The following IL1RN variants were observed in gnomAD, a reference collection of about 807,000 sequenced individuals.
IL1RN encodes the protein interleukin-1 receptor antagonist protein.
In IL1RN, 10 loss-of-function variants were observed where a neutral mutation model predicts 13.7. The ratio of observed to expected loss-of-function variants is 0.73; its 90% CI spans 0.45 to 1.24. IL1RN has a LOEUF of 1.24. Ranked by LOEUF, IL1RN falls within the 50% of genes most tolerant of loss-of-function variation. The pLI is 0.00. For missense variants in IL1RN, 213 were observed against 222.1 expected, an observed-to-expected ratio of 0.96 and a Z score of 0.26; for synonymous variants, 102 against 82.7, an observed-to-expected ratio of 1.23 and a Z score of -1.27.
At chr2:113,124,973 C>T (rs1341103013), upstream of IL1RN, among the ~76,000 whole-genome samples, 1 of 152,170 alleles carries the variant, frequency 6.6e-6, no homozygotes, top group African/African-American at 2.4e-5. Flanking sequence ...GTCAGAGAAA[C>T]ATTTACCCAG....
upstream of IL1RN, among the ~76,000 whole-genome samples, chr2:113,110,863 T>A (rs985581688): frequency 6.6e-6 from 1 of 152,220 alleles, no homozygotes; most frequent in Admixed American, 6.5e-5. Context: ...TTCCATTGTG[T>A]CATCAGAGCC....
At chr2:113,129,717 G>A (rs495282) in intron 2 of IL1RN, 53 bp downstream of exon 2, 15 of 1,154,454 alleles carry the variant, frequency 1.3e-5, no homozygotes, top group East Asian at 2.3e-5. Context: ...CACTTTGCCC[G>A]TCTGTCTGCA....
At chr2:113,105,470 T>C (rs1686373827), upstream of IL1RN, among the ~76,000 whole-genome samples, 1 of 152,220 alleles carries the variant, frequency 6.6e-6, no homozygotes, top group African/African-American at 2.4e-5. Flanking sequence ...GTAAACTCTA[T>C]ATATGTAGTT....
chr2:113,105,216 C>A (rs1686370265), upstream of IL1RN, among the ~76,000 whole-genome samples: 1 of 152,106 alleles, frequency 6.6e-6, no homozygotes, highest in Admixed American at 6.5e-5. Context: ...GAGTACTAGA[C>A]TGATGAACAC....
upstream of IL1RN, among the ~76,000 whole-genome samples, chr2:113,124,923 G>T (rs544707395): frequency 6.6e-6 from 1 of 152,164 alleles, no homozygotes; most frequent in Non-Finnish European, 1.5e-5. Flanking sequence ...AGCCCCGAGC[G>T]TCTTTTCTCC....
upstream of IL1RN, among the ~76,000 whole-genome samples, chr2:113,102,226 C>G (rs182004471): frequency 1.3e-3 from 203 of 152,346 alleles, 4 homozygotes; most frequent in Admixed American, 0.013. Flanking sequence ...TGGCAGACAG[C>G]TACCTTCTCA....
At chr2:113,129,689 T>G (rs4252011) in intron 2 of IL1RN, 25 bp downstream of exon 2, 1 of 1,466,658 alleles carries the variant, frequency 6.8e-7, no homozygotes, top group Non-Finnish European at 9.6e-7. Context: ...GGAAAGCCAA[T>G]GTATGTGGGC....
intron 3 of IL1RN, among the ~76,000 whole-genome samples, chr2:113,131,935 T>C (rs940264737): frequency 6.6e-6 from 1 of 152,174 alleles, no homozygotes; most frequent in East Asian, 1.9e-4. Context: ...GACTGCCTGT[T>C]CTGTGAGGAG....
rs1686785935 is a variant in IL1RN, at chr2:113,121,641, AGAG to A, written c.73+1517_73+1519del. On this transcript the variant is annotated intron_variant, in intron 2 of 5. Transcript: ENST00000259206. The stretch of plus-strand genomic sequence containing the variant: ...ACAGTAAGTTAACCATGTAGATCTG[AGAG>A]GAGAGTAGCTTCTTGTAGATAACAG... 13 of 974,008 alleles carry A rather than the reference AGAG, an allele frequency of 1.3e-5. No individual in the cohort carries two copies. The South Asian group carries it at 4.8e-4, about 36-fold the overall frequency. The allele number at this position is 974,008 out of a possible 1,614,324, so 60.3% of individuals were successfully genotyped here.
chr2:113,101,255 G>A, the IL1RN span, among the ~76,000 whole-genome samples: 467 of 152,290 alleles, frequency 3.1e-3, 2 homozygotes, highest in Middle Eastern at 0.017. Flanking sequence ...ACGCAGTGGG[G>A]GTGAGGAGTA....
upstream of IL1RN, among the ~76,000 whole-genome samples, chr2:113,109,327 G>A (rs941936633): frequency 2.0e-5 from 3 of 150,524 alleles, no homozygotes; most frequent in Middle Eastern, 3.2e-3. Flanking sequence ...CAGGAGAATC[G>A]CTTGAACCCA....
At chr2:113,109,771 A>C (rs1231181541), upstream of IL1RN, among the ~76,000 whole-genome samples, 1 of 152,060 alleles carries the variant, frequency 6.6e-6, no homozygotes, top group Non-Finnish European at 1.5e-5. Flanking sequence ...TGCAAAAAAA[A>C]AAAAAACCTC....
intron 1 of IL1RN, among the ~76,000 whole-genome samples, chr2:113,111,855 C>T (rs1039305442): frequency 6.6e-5 from 10 of 152,260 alleles, no homozygotes; most frequent in African/African-American, 2.4e-4. Context: ...GGCAAAGAGG[C>T]CAGTCTGGGT....
chr2:113,099,757 C>G, the IL1RN span, among the ~76,000 whole-genome samples: 6 of 49,676 alleles, frequency 1.2e-4, no homozygotes, highest in East Asian at 1.9e-3. Flanking sequence ...TTTTTTGAGA[C>G]GGAGTCTCGC....
chr2:113,105,778 T>C (rs1686377192), upstream of IL1RN, among the ~76,000 whole-genome samples: 1 of 152,256 alleles, frequency 6.6e-6, no homozygotes, highest in Non-Finnish European at 1.5e-5. Flanking sequence ...TTTTAACACA[T>C]TGAGGTTACC....
chr2:113,100,098 A>T, the IL1RN span, among the ~76,000 whole-genome samples: 35 of 144,466 alleles, frequency 2.4e-4, no homozygotes, highest in African/African-American at 8.8e-4. Context: ...CGAGGCGGGC[A>T]GATCACAAGG....
intron 1 of IL1RN, 87 bp from the exon 2 acceptor site, chr2:113,129,489 C>A: frequency 1.2e-6 from 1 of 843,238 alleles, no homozygotes; most frequent in Non-Finnish European, 2.1e-6. Context: ...GCAAATTTGA[C>A]AAGTTCTGGG....
At chr2:113,108,340 A>G (rs143828510), upstream of IL1RN, among the ~76,000 whole-genome samples, 1 of 151,960 alleles carries the variant, frequency 6.6e-6, no homozygotes, top group African/African-American at 2.4e-5. Flanking sequence ...TACATGTGCC[A>G]CATTGGTGTG....
intron 2 of IL1RN, 46 bp from the exon 3 acceptor site, chr2:113,130,999 T>G: frequency 8.3e-7 from 1 of 1,206,744 alleles, no homozygotes; most frequent in Non-Finnish European, 1.2e-6. Flanking sequence ...TCATTATTGC[T>G]GCTTCCTCTT....
Sources: allele counts gnomAD v4.1 joint callset (sites outside exome capture counted in the v4.1 genomes callset), GRCh38; gene constraint gnomAD v4.1.1; transcripts MANE v1.5; gene names NCBI Gene and HGNC (gene_info 2026-07-23, HGNC 2026-07-21).